Variants in CTCFL observed in about 807,000 individuals in gnomAD.
CTCFL encodes the protein CCCTC-binding factor like, also known as transcriptional repressor CTCFL.
Under a neutral mutation model 67.4 loss-of-function variants are expected in CTCFL, and 36 were observed. That is an observed-to-expected ratio of 0.53 (90% CI 0.41 to 0.71). The LOEUF is 0.71. Among genes scored for constraint, CTCFL ranks in the 30% least tolerant of loss-of-function variants. CTCFL has a pLI of 0.00. For missense variants in CTCFL, 786 were observed against 835.2 expected, an observed-to-expected ratio of 0.94 and a Z score of 0.73; for synonymous variants, 324 against 302.3, an observed-to-expected ratio of 1.07 and a Z score of -0.75.
intron 9 of CTCFL, among the ~76,000 whole-genome samples, chr20:57,505,898 T>C (rs1448844383): frequency 5.9e-5 from 9 of 152,256 alleles, no homozygotes; most frequent in Non-Finnish European, 2.9e-5. Flanking sequence ...GTGTTGAAAT[T>C]TGCAAATTAT....
chr20:57,518,471 A>G, intron 5 of CTCFL: 1 of 1,363,052 alleles, frequency 7.3e-7, no homozygotes, highest in African/African-American at 1.5e-5. Context: ...GATAAAATGC[A>G]GAACTTTTAA....
chr20:57,508,464 C>A (rs955549268), intron 9 of CTCFL, 142 bp downstream of exon 9: 3 of 710,726 alleles, frequency 4.2e-6, no homozygotes, highest in Non-Finnish European at 6.8e-6. Flanking sequence ...AAACTAATAA[C>A]CACTTTCCTA....
rs546080512 is a variant in CTCFL at position 57,510,724 on chromosome 20, G to A, written c.1491+1868C>T. On this transcript the variant is annotated intron_variant, in intron 8 of 10. Transcript: ENST00000243914. ...TAAAAATACAAAAAATAAGCCAGGC[G>A]TGGTGGGGGCCGCCTGTAGTCCCAG... 1.2e-3 allele frequency among the ~76,000 whole-genome samples: 182 copies of A among 152,318 alleles called. 1 individual carries two copies. The highest frequency in any genetic ancestry group is 4.2e-3 in the African/African-American group (173 of 41,568).
At chr20:57,510,510 T>C (rs1452639702) in intron 8 of CTCFL, among the ~76,000 whole-genome samples, 10 of 152,256 alleles carry the variant, frequency 6.6e-5, no homozygotes, top group African/African-American at 2.4e-4. Flanking sequence ...TGTTGTTGTC[T>C]GAAGTTCAAA....
chr20:57,514,862 A>G, intron 6 of CTCFL, 121 bp from the exon 7 acceptor site: 2 of 1,007,952 alleles, frequency 2.0e-6, no homozygotes, highest in Non-Finnish European at 1.5e-6. Context: ...TTCTCACCGG[A>G]CAACCCCCAA....
Position 57,503,419 on chromosome 20 carries a change from C to T in CTCFL, c.1840+17G>A, listed in dbSNP as rs374151201. On this transcript the variant is annotated intron_variant, in intron 10 of 10. Coordinates refer to ENST00000243914, the MANE Select transcript of CTCFL (RefSeq NM_001386993.1). ...AATCACTGAGGCGGTAAAAACAAAT[C>T]TGCGTAAAATCAGTACCGTCTCCGT... is the stretch of plus-strand genomic sequence containing the variant. 6.2e-7 allele frequency: 1 copy of T among 1,613,668 alleles called. No individual in the cohort carries two copies. The highest frequency in any genetic ancestry group is 8.5e-7 in the Non-Finnish European group (1 of 1,179,738).
chr20:57,502,133 G>C (rs767808423), intron 10 of CTCFL, among the ~76,000 whole-genome samples: 4 of 152,246 alleles, frequency 2.6e-5, no homozygotes, highest in Non-Finnish European at 4.4e-5. Context: ...TTCCCTGCCA[G>C]GCAGGGCCTG....
chr20:57,508,705 C>T lies in CTCFL; in HGVS notation c.1575G>A (p.Gln525=), dbSNP rs1453333860. Residue 525 remains glutamine (Q), a synonymous_variant, in exon 9 of 11, where the codon CAG becomes CAA. Transcript: ENST00000243914. ...TCLSCNKCFR[Q]KQLLNAHFRK... ...TGAAGTGAGCGTTTAGAAGTTGCTTCTGTCGGAAACATTTATTGCAAGAAA... is the reference window on the plus strand; with the variant it reads ...TGAAGTGAGCGTTTAGAAGTTGCTTTTGTCGGAAACATTTATTGCAAGAAA... The T allele has an allele frequency of 6.2e-7, 1 of 1,614,154 alleles. No individual in the cohort carries two copies. Among genetic ancestry groups the T allele is most frequent in the Non-Finnish European group, 8.5e-7 (1 of 1,180,028 alleles).
rs759424690 is a variant in CTCFL, at chr20:57,523,778, T to C, written c.428A>G (p.Tyr143Cys). The change falls in exon 2 of 11, where the codon TAC becomes TGC. Residue 143 changes from tyrosine to cysteine, a missense_variant. Physicochemically the swap from Tyr to Cys is radical, Grantham distance 194 (BLOSUM62 -2). Transcript: ENST00000243914. The stretch of plus-strand genomic sequence containing the variant: ...CAACACCTCCATCTCTTGCGGGGAG[T>C]ACAGCTCTTGCTGGATACTAATGGC... Reference protein sequence around the residue: ...CVAISIQQELYSPQEMEVLQF... With the variant: ...CVAISIQQELCSPQEMEVLQF... 2 of 1,613,292 alleles carry C rather than the reference T, an allele frequency of 1.2e-6. No homozygotes were observed. Among genetic ancestry groups the C allele is most frequent in the East Asian group, 4.5e-5 (2 of 44,888 alleles).
At chr20:57,498,974 G>A (rs1302174948) in intron 10 of CTCFL, among the ~76,000 whole-genome samples, 1 of 149,524 alleles carries the variant, frequency 6.7e-6, no homozygotes, top group Non-Finnish European at 1.5e-5. Flanking sequence ...TGTTAGCAGC[G>A]ACCCTGGCCT....
intron 4 of CTCFL, 27 bp from the exon 5 acceptor site, chr20:57,518,918 CA>C: frequency 6.3e-7 from 1 of 1,588,404 alleles, no homozygotes; most frequent in South Asian, 1.1e-5. Flanking sequence ...TTCATACTTT[CA>C]AAACAAGACT....
intron 9 of CTCFL, among the ~76,000 whole-genome samples, chr20:57,505,898 T>G (rs1448844383): frequency 6.6e-6 from 1 of 152,256 alleles, no homozygotes; most frequent in Non-Finnish European, 1.5e-5. Context: ...GTGTTGAAAT[T>G]TGCAAATTAT....
Position 57,497,682 on chromosome 20 carries a change from T to A in CTCFL, c.*868A>T. On this transcript the variant is annotated 3_prime_UTR_variant, in exon 11 of 11. Transcript: ENST00000243914. ...AGTACAAATTCCTTACAGGTACACATTTGCCTTATCTGATTTTATGTTTCT... is the reference window on the plus strand; with the variant it reads ...AGTACAAATTCCTTACAGGTACACAATTGCCTTATCTGATTTTATGTTTCT... 1 of 985,404 alleles carries A rather than the reference T, an allele frequency of 1.0e-6. No individual in the cohort carries two copies. Among genetic ancestry groups the A allele is most frequent in the Non-Finnish European group, 1.2e-6 (1 of 829,882 alleles). The allele number at this position is 985,404 out of a possible 1,614,324, so 61.0% of individuals were successfully genotyped here. A position where few individuals can be genotyped will look rare whatever the true frequency, so the allele number is the denominator to read the frequency against.
rs143518364 is a variant in CTCFL, at chr20:57,523,475, A to G, written c.543+188T>C. 1.1e-4 allele frequency among the ~76,000 whole-genome samples: 16 copies of G among 152,338 alleles called. No homozygotes were observed. The East Asian group carries it at 3.1e-3, about 29-fold the overall frequency. On this transcript the variant is annotated intron_variant, in intron 2 of 10. Coordinates refer to ENST00000243914, the MANE Select transcript of CTCFL (RefSeq NM_001386993.1). ...AACATAATGCGCCTTACACTATTCC[A>G]ATTAGCACCACTTTTAAAACTCTTT...
In CTCFL at chr20:57,518,504, G is replaced by A; in HGVS notation, c.1059+254C>T. ...TAAACAAATCTGGGACTTATTTCTT[G>A]ACCACAGATGGTTTATTTGTAATTT... On this transcript the variant is annotated intron_variant, in intron 5 of 10. Coordinates refer to ENST00000243914, the MANE Select transcript of CTCFL (RefSeq NM_001386993.1). 2.1e-6 allele frequency: 3 copies of A among 1,401,712 alleles called. No individual in the cohort carries two copies. The South Asian group carries it at 4.7e-5, about 22-fold the overall frequency. The allele number at this position is 1,401,712 out of a possible 1,614,324, so 86.8% of individuals were successfully genotyped here.
intron 6 of CTCFL, 69 bp from the exon 7 acceptor site, chr20:57,514,810 A>G: frequency 6.9e-7 from 1 of 1,455,752 alleles, no homozygotes. Flanking sequence ...CTGTGCTGAA[A>G]GTGTTTTTTT....
Position 57,518,814 on chromosome 20 carries a change from T to G in CTCFL, c.1003A>C (p.Lys335Gln), listed in dbSNP as rs1163331504. The G allele has an allele frequency of 1.9e-6, 3 of 1,614,072 alleles. No homozygotes were observed. The highest frequency in any genetic ancestry group is 2.5e-6 in the Non-Finnish European group (3 of 1,180,050). Residue 335 changes from lysine to glutamine, a missense_variant, in exon 5 of 11, where the codon AAA becomes CAA. Transcript: ENST00000243914. ...TTAAAGGGTTTCTCATGAGTATGTT[T>G]ATAGCGCCTGTGTCGGACGAGTTCT... Reference protein sequence around the residue: ...SGELVRHRRYKHTHEKPFKCS... With the variant: ...SGELVRHRRYQHTHEKPFKCS...
Position 57,519,447 on chromosome 20 carries a change from A to G in CTCFL, c.755-70T>C. 2.9e-6 allele frequency: 4 copies of G among 1,379,714 alleles called. No individual in the cohort carries two copies. The South Asian group carries it at 3.7e-5, about 13-fold the overall frequency. 85.5% of individuals were successfully genotyped at this position (1,379,714 alleles called of 1,614,324 possible). ...CCATTTAAATACTTGAAAGTAAATCAGCACATCGTCCTTTCAACTAACGTG... is the reference window on the plus strand; with the variant it reads ...CCATTTAAATACTTGAAAGTAAATCGGCACATCGTCCTTTCAACTAACGTG... On this transcript the variant is annotated intron_variant, in intron 3 of 10. Coordinates refer to ENST00000243914, the MANE Select transcript of CTCFL (RefSeq NM_001386993.1).
intron 3 of CTCFL, among the ~76,000 whole-genome samples, chr20:57,522,105 T>C (rs967625638): frequency 6.6e-6 from 1 of 152,188 alleles, no homozygotes; most frequent in African/African-American, 2.4e-5. Context: ...GAGAAACTAC[T>C]ATGTACCAAA....
Sources: allele counts gnomAD v4.1 joint callset (sites outside exome capture counted in the v4.1 genomes callset), GRCh38; gene constraint gnomAD v4.1.1; transcripts MANE v1.5; gene names NCBI Gene and HGNC (gene_info 2026-07-23, HGNC 2026-07-21).